The following TENM3 variants were observed in gnomAD, a reference collection of about 807,000 sequenced individuals.
TENM3 encodes teneurin transmembrane protein 3.
TENM3 carries 63 observed loss-of-function variants against 255.1 expected under a neutral mutation model. That is an observed-to-expected ratio of 0.25 (90% confidence interval 0.20 to 0.30). The LOEUF (loss-of-function observed/expected upper bound fraction) is 0.30. Among genes scored for constraint, TENM3 ranks in the 10% least tolerant of loss-of-function variants. The probability of loss-of-function intolerance (pLI) is 1.00; values close to 1 mark genes in which losing one functional copy is unlikely to be tolerated. For synonymous variants in TENM3, 1,306 were observed against 1,322.3 expected (o/e 0.99, Z 0.27); for missense variants, 2,929 against 3,461.1 (o/e 0.85, Z 3.86).
chr4:182,540,303 C>T (rs1042213018), intron 3 of TENM3, among the ~76,000 whole-genome samples: 2 of 152,100 alleles, frequency 1.3e-5, no homozygotes, highest in African/African-American at 4.8e-5. Flanking sequence ...AAAAATTTCA[C>T]TTAAGGCCAG....
At chr4:181,873,416 A>T in the TENM3 span, among the ~76,000 whole-genome samples, 1 of 152,116 alleles carries the variant, frequency 6.6e-6, no homozygotes, top group African/African-American at 2.4e-5. Context: ...TCTCTGCTTT[A>T]ACTGCATTCC....
At chr4:181,770,057 G>A in the TENM3 span, among the ~76,000 whole-genome samples, 8 of 152,256 alleles carry the variant, frequency 5.3e-5, no homozygotes, top group East Asian at 1.9e-4. Context: ...ACGGGGAAGC[G>A]GTAGAACCCG....
At chr4:181,513,866 C>T in the TENM3 span, among the ~76,000 whole-genome samples, 1 of 152,308 alleles carries the variant, frequency 6.6e-6, no homozygotes, top group Non-Finnish European at 1.5e-5. Flanking sequence ...TTGACGTAGG[C>T]TAGCTCTTGG....
chr4:182,242,075 AG>A (rs1474690189), upstream of TENM3, among the ~76,000 whole-genome samples: 13 of 59,414 alleles, frequency 2.2e-4, no homozygotes, highest in African/African-American at 2.3e-3. Context: ...CACAAGGTGC[AG>A]GTTTGTTACA....
At chr4:181,608,826 A>C in the TENM3 span, among the ~76,000 whole-genome samples, 7 of 152,200 alleles carry the variant, frequency 4.6e-5, no homozygotes, top group African/African-American at 1.4e-4. Context: ...ATGGAGCCTG[A>C]CATTGGAAAA....
At chr4:182,512,572 A>T (rs1026188543) in intron 3 of TENM3, among the ~76,000 whole-genome samples, 11 of 152,228 alleles carry the variant, frequency 7.2e-5, no homozygotes, top group Admixed American at 1.3e-4. Flanking sequence ...AATCATTATG[A>T]CATTAGTTAT....
chr4:181,946,311 T>A, the TENM3 span, among the ~76,000 whole-genome samples: 1 of 152,186 alleles, frequency 6.6e-6, no homozygotes, highest in Non-Finnish European at 1.5e-5. Context: ...AGTACCCACA[T>A]AAAAATACAC....
intron 1 of TENM3, chr4:182,144,757 A>T (rs1322200602): frequency 6.8e-6 from 1 of 146,422 alleles, no homozygotes; most frequent in Non-Finnish European, 1.5e-5. Flanking sequence ...CGAGCGCGGT[A>T]AGTGCGGCGC....
the TENM3 span, among the ~76,000 whole-genome samples, chr4:182,101,973 C>T: frequency 6.6e-6 from 1 of 152,308 alleles, no homozygotes; most frequent in East Asian, 1.9e-4. Flanking sequence ...AACTCTGCAG[C>T]CTAAGCATCC....
chr4:181,733,931 CTTTG>C, the TENM3 span, among the ~76,000 whole-genome samples: 2 of 152,098 alleles, frequency 1.3e-5, no homozygotes, highest in African/African-American at 4.8e-5. Context: ...AGAAAAAGTT[CTTTG>C]TTTGCGGTTT....
At chr4:181,605,579 AGAAAGG>A in the TENM3 span, among the ~76,000 whole-genome samples, 2 of 30,916 alleles carry the variant, frequency 6.5e-5, no homozygotes, top group Non-Finnish European at 2.5e-4. Context: ...AGAGAGAGAA[AGAAAGG>A]AAAGAAAGAA....
the TENM3 span, among the ~76,000 whole-genome samples, chr4:181,866,445 T>G: frequency 6.6e-6 from 1 of 152,218 alleles, no homozygotes; most frequent in Non-Finnish European, 1.5e-5. Flanking sequence ...ATAAAAATCC[T>G]GTAATTGTAA....
the TENM3 span, among the ~76,000 whole-genome samples, chr4:181,618,325 A>G: frequency 2.0e-5 from 3 of 152,270 alleles, no homozygotes; most frequent in Admixed American, 2.0e-4. Flanking sequence ...GCAGCACTTC[A>G]TTCAGGGAAA....
intron 3 of TENM3, among the ~76,000 whole-genome samples, chr4:182,455,265 T>C (rs550198687): frequency 2.5e-4 from 38 of 152,296 alleles, no homozygotes; most frequent in African/African-American, 8.7e-4. Context: ...ATTCCCCCAC[T>C]CTGTTCCCAC....
chr4:182,443,064 G>A (rs1772634138), intron 3 of TENM3, among the ~76,000 whole-genome samples: 1 of 152,066 alleles, frequency 6.6e-6, no homozygotes, highest in African/African-American at 2.4e-5. Flanking sequence ...TGAATGGAAT[G>A]ATGGTTGGAA....
the TENM3 span, among the ~76,000 whole-genome samples, chr4:181,822,268 C>A: frequency 6.6e-6 from 1 of 152,140 alleles, no homozygotes; most frequent in African/African-American, 2.4e-5. Context: ...AAATCACTTG[C>A]CAAGCTAAAT....
the TENM3 span, among the ~76,000 whole-genome samples, chr4:182,031,826 A>C: frequency 6.6e-6 from 1 of 152,070 alleles, no homozygotes; most frequent in African/African-American, 2.4e-5. Flanking sequence ...TGTGCATAGG[A>C]GTTCATTTAT....
the TENM3 span, among the ~76,000 whole-genome samples, chr4:181,516,928 C>T: frequency 1.3e-5 from 2 of 152,152 alleles, no homozygotes; most frequent in African/African-American, 4.8e-5. Flanking sequence ...CCCAGACCCA[C>T]TTATCAAGTG....
At chr4:182,001,300 C>T in the TENM3 span, among the ~76,000 whole-genome samples, 2 of 151,928 alleles carry the variant, frequency 1.3e-5, no homozygotes, top group South Asian at 4.1e-4. Context: ...ACATAGTTAG[C>T]AAATGTGGGT....
Sources: allele counts gnomAD v4.1 joint callset (sites outside exome capture counted in the v4.1 genomes callset), GRCh38; gene constraint gnomAD v4.1.1; transcripts MANE v1.5; gene names NCBI Gene and HGNC (gene_info 2026-07-23, HGNC 2026-07-21).